The following TMCO4 variants were observed in gnomAD, a reference collection of about 807,000 sequenced individuals.
The protein encoded by TMCO4 is transmembrane and coiled-coil domain-containing protein 4.
In TMCO4, 58 loss-of-function variants were observed where a neutral mutation model predicts 64.7. The observed-to-expected ratio is 0.90, with a 90% CI of 0.73 to 1.12. The LOEUF is 1.12. TMCO4 is among the 50% of genes most tolerant of loss of function. TMCO4 has a pLI of 0.00. For synonymous variants in TMCO4, 325 were observed against 346.1 expected, an observed-to-expected ratio of 0.94 and a Z score of 0.68; for missense variants, 780 against 825.9, an observed-to-expected ratio of 0.94 and a Z score of 0.68.
chr1:19,750,499 T>C (rs1161857167), intron 7 of TMCO4: 5 of 152,176 alleles, frequency 3.3e-5, no homozygotes, highest in Admixed American at 2.6e-4. Flanking sequence ...GGACAGATGA[T>C]GAGACGGCAC....
At chr1:19,739,765 G>C (rs2095470598) in intron 12 of TMCO4, 59 bp downstream of exon 12, 9 of 1,578,510 alleles carry the variant, frequency 5.7e-6, no homozygotes. Flanking sequence ...CTGTGAACAA[G>C]TCAGCACCTG....
intron 3 of TMCO4, among the ~76,000 whole-genome samples, chr1:19,781,183 A>G (rs1167051090): frequency 1.3e-5 from 2 of 149,246 alleles, no homozygotes; most frequent in Admixed American, 1.3e-4. Flanking sequence ...TCCTCAGGCC[A>G]GGTATGGTGG....
intron 13 of TMCO4, among the ~76,000 whole-genome samples, chr1:19,707,239 A>G (rs895220925): frequency 2.6e-5 from 4 of 152,130 alleles, no homozygotes; most frequent in African/African-American, 9.7e-5. Context: ...TGTTTGGGTC[A>G]TGGGGGTGGA....
intron 2 of TMCO4, among the ~76,000 whole-genome samples, chr1:19,791,449 A>G (rs2044032520): frequency 6.6e-6 from 1 of 152,120 alleles, no homozygotes; most frequent in Non-Finnish European, 1.5e-5. Context: ...AACTCTATGG[A>G]TTGTCTAACT....
chr1:19,781,085 C>T (rs1350013422), intron 3 of TMCO4, among the ~76,000 whole-genome samples: 1 of 145,204 alleles, frequency 6.9e-6, no homozygotes, highest in Non-Finnish European at 1.5e-5. Context: ...AGAGATTCCA[C>T]AGTGAGCCGA....
chr1:19,728,407 A>G (rs1244687106), intron 13 of TMCO4, among the ~76,000 whole-genome samples: 2 of 152,228 alleles, frequency 1.3e-5, no homozygotes. Context: ...CTAGGCCTTC[A>G]TAGATGGTGG....
intron 13 of TMCO4, among the ~76,000 whole-genome samples, chr1:19,710,810 AG>A (rs1331498706): frequency 1.3e-5 from 2 of 152,258 alleles, no homozygotes; most frequent in African/African-American, 2.4e-5. Context: ...TGTTGATTCA[AG>A]GGACAACTAG....
chr1:19,746,626 G>A (rs1293173035), intron 8 of TMCO4, 27 bp from the exon 9 acceptor site: 33 of 1,589,434 alleles, frequency 2.1e-5, no homozygotes, highest in Non-Finnish European at 2.3e-5. Context: ...AGTTTCAGGT[G>A]GGAGTAAAAA....
chr1:19,713,620 G>A (rs1479808222), intron 13 of TMCO4, among the ~76,000 whole-genome samples: 4 of 152,058 alleles, frequency 2.6e-5, no homozygotes, highest in Admixed American at 6.6e-5. Flanking sequence ...GATGGCTTGA[G>A]CCCAGGAGTT....
chr1:19,784,783 G>GGAA (rs10626423), intron 3 of TMCO4, among the ~76,000 whole-genome samples: 132,887 of 147,730 alleles, frequency 0.9, 59,867 homozygotes, highest in African/African-American at 0.93. Flanking sequence ...GGGCTACACT[G>GGAA]GAAGAAGAAT....
At position 19,766,177 on chromosome 1, in the gene TMCO4, T is replaced by A. The variant is rs140434771; in HGVS notation, c.382+4365A>T. On this transcript the variant is annotated intron_variant, in intron 6 of 15. Coordinates refer to ENST00000294543, the MANE Select transcript of TMCO4 (RefSeq NM_181719.7). The stretch of plus-strand genomic sequence containing the variant: ...ATTGCACCCTCCTTTTTTCCCTCCA[T>A]CCAACAAATACTAATGCCCACCATG... 3.6e-3 allele frequency among the ~76,000 whole-genome samples: 549 copies of A among 152,216 alleles called. 8 individuals are homozygous for A. The highest frequency in any genetic ancestry group is 0.015 in the South Asian group (73 of 4,818).
At chr1:19,705,478 A>G (rs1190070317) in intron 13 of TMCO4, among the ~76,000 whole-genome samples, 1 of 148,788 alleles carries the variant, frequency 6.7e-6, no homozygotes, top group African/African-American at 2.6e-5. Flanking sequence ...TAAATAAACA[A>G]ATAAATAAAA....
intron 8 of TMCO4, among the ~76,000 whole-genome samples, 181 bp from the exon 9 acceptor site, chr1:19,746,780 C>T (rs1032157790): frequency 2.0e-5 from 3 of 151,930 alleles, no homozygotes; most frequent in Admixed American, 6.6e-5. Flanking sequence ...AAAAATTAGC[C>T]GGGCATGGTG....
At chr1:19,694,407 C>T (rs1557459484) in intron 15 of TMCO4, 27 bp downstream of exon 15, 1 of 1,602,698 alleles carries the variant, frequency 6.2e-7, no homozygotes, top group Non-Finnish European at 8.5e-7. Context: ...AAACGCAAAG[C>T]CCCAGGAGGA....
At chr1:19,760,286 C>T (rs1163800368) in intron 6 of TMCO4, among the ~76,000 whole-genome samples, 1 of 152,206 alleles carries the variant, frequency 6.6e-6, no homozygotes, top group East Asian at 1.9e-4. Flanking sequence ...CAGGCACATG[C>T]CACAAATATC....
intron 12 of TMCO4, among the ~76,000 whole-genome samples, chr1:19,738,800 T>C (rs1353824465): frequency 6.6e-6 from 1 of 152,232 alleles, no homozygotes; most frequent in African/African-American, 2.4e-5. Context: ...AGTAATTGAA[T>C]TTCAGCTGGG....
intron 13 of TMCO4, among the ~76,000 whole-genome samples, chr1:19,710,715 A>C (rs1038321707): frequency 1.3e-5 from 2 of 152,222 alleles, no homozygotes; most frequent in Admixed American, 6.5e-5. Flanking sequence ...GAACCAAAAT[A>C]CATGTCTTCT....
In TMCO4 at chr1:19,743,947, C is replaced by T. The variant is rs561191482; in HGVS notation, c.877+1585G>A. On this transcript the variant is annotated intron_variant, in intron 10 of 15. Coordinates refer to ENST00000294543, the MANE Select transcript of TMCO4 (RefSeq NM_181719.7). The surrounding 1 kb of genome is among the most constrained non-coding windows in gnomAD (Gnocchi z 4.1). Reference sequence around the variant, plus strand: ...ATGCCAGACTCAAGGTAGGTGTGAACGAGGCGCTCACTGAACGCTAGTGAC... The same window carrying T: ...ATGCCAGACTCAAGGTAGGTGTGAATGAGGCGCTCACTGAACGCTAGTGAC... 2.6e-5 allele frequency among the ~76,000 whole-genome samples: 4 copies of T among 152,274 alleles called. No homozygotes were observed. The highest frequency in any genetic ancestry group is 2.1e-4 in the South Asian group (1 of 4,824).
At chr1:19,697,045 G>A (rs1023308908) in intron 14 of TMCO4, among the ~76,000 whole-genome samples, 6 of 152,224 alleles carry the variant, frequency 3.9e-5, no homozygotes, top group South Asian at 2.1e-4. Flanking sequence ...CAGCATTGGC[G>A]GGAGCATTAA....
Sources: allele counts gnomAD v4.1 joint callset (sites outside exome capture counted in the v4.1 genomes callset), GRCh38; gene constraint gnomAD v4.1.1; non-coding constraint Gnocchi (gnomAD v3.1); transcripts MANE v1.5; gene names NCBI Gene and HGNC (gene_info 2026-07-23, HGNC 2026-07-21).